ANKIB1: variants seen among roughly 807,000 people sequenced by gnomAD.
ANKIB1 encodes ankyrin repeat and IBR domain-containing protein 1.
ANKIB1 carries 43 observed loss-of-function variants against 122.1 expected under a neutral mutation model. The observed-to-expected ratio is 0.35, with a 90% CI of 0.28 to 0.45. ANKIB1 has a LOEUF of 0.45. ANKIB1 is among the 20% of genes least tolerant of loss of function. The pLI is 1.00. For synonymous variants in ANKIB1, 390 were observed against 442.0 expected, an observed-to-expected ratio of 0.88 and a Z score of 1.48; for missense variants, 992 against 1,329.5, an observed-to-expected ratio of 0.75 and a Z score of 3.95.
intron 5 of ANKIB1, among the ~76,000 whole-genome samples, chr7:92,330,925 C>A (rs1753108392): frequency 6.6e-6 from 1 of 152,120 alleles, no homozygotes; most frequent in Non-Finnish European, 1.5e-5. Context: ...AAAACTTATA[C>A]AGAAACACAA....
intron 4 of ANKIB1, chr7:92,326,057 G>A: frequency 2.8e-6 from 1 of 363,522 alleles, no homozygotes; most frequent in South Asian, 2.2e-5. Flanking sequence ...TGCCCACTTG[G>A]GACTGAGCAA....
chr7:92,340,230 C>G (rs1298794897), intron 5 of ANKIB1, among the ~76,000 whole-genome samples: 1 of 152,150 alleles, frequency 6.6e-6, no homozygotes, highest in African/African-American at 2.4e-5. Context: ...GTAAGACTAC[C>G]TGTTCAGCTC....
intron 1 of ANKIB1, among the ~76,000 whole-genome samples, chr7:92,282,383 A>G (rs552627027): frequency 4.0e-4 from 61 of 152,210 alleles, no homozygotes; most frequent in African/African-American, 1.3e-3. Context: ...TTGCCAAGCA[A>G]TCCACCTACC....
At chr7:92,306,159 T>G (rs1252718335) in intron 2 of ANKIB1, among the ~76,000 whole-genome samples, 1 of 152,022 alleles carries the variant, frequency 6.6e-6, no homozygotes, top group Non-Finnish European at 1.5e-5. Flanking sequence ...GTTGCTGCTG[T>G]CACAAAGTGC....
At chr7:92,267,512 C>T (rs938284544) in intron 1 of ANKIB1, among the ~76,000 whole-genome samples, 1 of 152,116 alleles carries the variant, frequency 6.6e-6, no homozygotes, top group Non-Finnish European at 1.5e-5. Context: ...CATTCTACTC[C>T]TAAATGATAT....
intron 1 of ANKIB1, among the ~76,000 whole-genome samples, chr7:92,281,052 A>G (rs1411155786): frequency 6.6e-6 from 1 of 152,200 alleles, no homozygotes; most frequent in Non-Finnish European, 1.5e-5. Flanking sequence ...CAAAATCAGC[A>G]AAGGGAAAGG....
chr7:92,246,090 TGAGCCGGAGCCG>T lies in ANKIB1; in HGVS notation c.-510_-499del, dbSNP rs886062498. ...TGGTGGCGGTGGGGGTGCCAGCGGC[TGAGCCGGAGCCG>T]GAGCCGGAGGCGGGGGAGGGGAAGA... is the stretch of plus-strand genomic sequence containing the variant. On this transcript the variant is annotated 5_prime_UTR_variant, in exon 1 of 20. Transcript: ENST00000265742. 2 of 282,210 alleles carry T rather than the reference TGAGCCGGAGCCG, an allele frequency of 7.1e-6. No homozygotes were observed. The highest frequency in any genetic ancestry group is 1.4e-5 in the Non-Finnish European group (2 of 146,850). The allele number at this position is 282,210 out of a possible 1,614,324, so 17.5% of individuals were successfully genotyped here.
chr7:92,337,530 G>C (rs1418755546), intron 5 of ANKIB1, among the ~76,000 whole-genome samples: 1 of 151,832 alleles, frequency 6.6e-6, no homozygotes, highest in Non-Finnish European at 1.5e-5. Flanking sequence ...TATATTCCAG[G>C]AATAAGGCAT....
At chr7:92,359,843 G>A (rs1169995197) in intron 9 of ANKIB1, among the ~76,000 whole-genome samples, 3 of 152,096 alleles carry the variant, frequency 2.0e-5, no homozygotes, top group African/African-American at 4.8e-5. Context: ...CTATAGCCTC[G>A]AACTCCTGGG....
intron 11 of ANKIB1, among the ~76,000 whole-genome samples, chr7:92,377,335 A>T (rs770490360): frequency 1.2e-4 from 18 of 152,326 alleles, no homozygotes; most frequent in Non-Finnish European, 2.2e-4. Context: ...ACATATATAT[A>T]TTAAGTTTGC....
intron 1 of ANKIB1, among the ~76,000 whole-genome samples, chr7:92,292,672 CAAT>C (rs1273704980): frequency 2.6e-5 from 4 of 152,010 alleles, no homozygotes; most frequent in African/African-American, 9.7e-5. Flanking sequence ...TTGGATGAAA[CAAT>C]AAAAGTATAA....
Position 92,386,562 on chromosome 7 carries a change from G to C in ANKIB1, c.1671G>C (p.Ser557=). The C allele has an allele frequency of 1.2e-6, 2 of 1,605,508 alleles. No individual in the cohort carries two copies. The highest frequency in any genetic ancestry group is 1.7e-6 in the Non-Finnish European group (2 of 1,176,114). The change falls in exon 12 of 20, where the codon TCG becomes TCC. Residue 557 remains serine (S), a synonymous_variant. Transcript: ENST00000265742. The part of the protein sequence containing the change: ...ICLEEWKKHS[S]STGGYYRCTR... ...TTGAAGAGTGGAAAAAACATAGTTCGTCCACTGGAGGTTATTACAGATGTA... is the reference window on the plus strand; with the variant it reads ...TTGAAGAGTGGAAAAAACATAGTTCCTCCACTGGAGGTTATTACAGATGTA...
intron 11 of ANKIB1, among the ~76,000 whole-genome samples, chr7:92,384,739 G>A (rs796206215): frequency 1.3e-5 from 2 of 152,164 alleles, no homozygotes; most frequent in African/African-American, 4.8e-5. Context: ...ATTAATTCAC[G>A]ATGCATTAAA....
intron 1 of ANKIB1, among the ~76,000 whole-genome samples, chr7:92,252,592 C>A (rs966445669): frequency 6.6e-6 from 1 of 151,718 alleles, no homozygotes; most frequent in Non-Finnish European, 1.5e-5. Context: ...TCACCTCTTT[C>A]TCTCTTATGT....
chr7:92,269,834 A>G (rs1801748247), intron 1 of ANKIB1, among the ~76,000 whole-genome samples: 1 of 151,534 alleles, frequency 6.6e-6, no homozygotes, highest in South Asian at 2.1e-4. Context: ...TCTAGGGTAC[A>G]TGTGTACAGC....
chr7:92,319,583 C>T, intron 4 of ANKIB1, 71 bp downstream of exon 4: 1 of 1,461,074 alleles, frequency 6.8e-7, no homozygotes, highest in Non-Finnish European at 9.4e-7. Context: ...TTGTATTTTT[C>T]TTCTTTAAAA....
intron 3 of ANKIB1, among the ~76,000 whole-genome samples, chr7:92,311,716 C>G (rs564185197): frequency 4.9e-4 from 73 of 148,812 alleles, no homozygotes; most frequent in African/African-American, 1.6e-3. Flanking sequence ...CTGTAATAAG[C>G]GCCCCCCCCA....
At chr7:92,352,710 C>T (rs1488721008) in intron 9 of ANKIB1, 68 bp downstream of exon 9, 2 of 1,485,626 alleles carry the variant, frequency 1.3e-6, no homozygotes, top group East Asian at 2.3e-5. Flanking sequence ...AGACTTTGCA[C>T]CTTGAGTCAG....
At chr7:92,262,504 G>A (rs931666009) in intron 1 of ANKIB1, among the ~76,000 whole-genome samples, 6 of 152,160 alleles carry the variant, frequency 3.9e-5, no homozygotes, top group African/African-American at 1.4e-4. Context: ...TTATTAAAAT[G>A]TGTCCAAGGG....
Sources: gnomAD v4.1 joint callset for allele counts (sites outside exome capture counted in the v4.1 genomes callset) on GRCh38, gnomAD v4.1.1 for gene constraint, MANE v1.5 for transcripts, NCBI Gene and HGNC (gene_info 2026-07-23, HGNC 2026-07-21) for gene names.